The following PACS2 variants were observed in gnomAD, a reference collection of about 807,000 sequenced individuals.
PACS2 encodes PACS1-like protein.
PACS2 carries 36 observed loss-of-function variants against 113.0 expected under a neutral mutation model. That is an observed-to-expected ratio of 0.32 (90% CI 0.24 to 0.42). PACS2 has a LOEUF of 0.42. Among genes scored for constraint, PACS2 ranks in the 10% least tolerant of loss-of-function variants. The probability of loss-of-function intolerance (pLI) is 1.00; values close to 1 mark genes in which losing one functional copy is unlikely to be tolerated. For synonymous variants in PACS2, 589 were observed against 536.1 expected (o/e 1.10, Z -1.36); for missense variants, 1,015 against 1,239.5 (o/e 0.82, Z 2.72).
chr14:105,357,411 C>T lies in PACS2; in HGVS notation c.423+2234C>T, dbSNP rs138875055. Among the ~76,000 whole-genome samples, 1,120 of 152,248 alleles carry T rather than the reference C, an allele frequency of 7.4e-3. 16 individuals are homozygous for T. Among genetic ancestry groups the T allele is most frequent in the African/African-American group, 0.026 (1,065 of 41,534 alleles). ...TGGCCCCCACCCCAAGGCTCCCTCG[C>T]CCTGCACCTGTGGCTTCCAAAGCCG... On this transcript the variant is annotated intron_variant, in intron 4 of 24. Coordinates refer to ENST00000447393, the MANE Select transcript of PACS2 (RefSeq NM_001100913.3). This position sits in a 1 kb window ranked among gnomAD's most constrained non-coding sequence, Gnocchi z 5.1.
At chr14:105,349,421 G>C (rs943273985) in intron 2 of PACS2, among the ~76,000 whole-genome samples, 1 of 152,172 alleles carries the variant, frequency 6.6e-6, no homozygotes, top group Non-Finnish European at 1.5e-5. Flanking sequence ...TCAGCTCCTC[G>C]AGGATGGGGC....
rs587654000 is a variant in PACS2 at position 105,357,078 on chromosome 14, G to A, written c.423+1901G>A. Among the ~76,000 whole-genome samples, 4 of 152,126 alleles carry A rather than the reference G, an allele frequency of 2.6e-5. No individual in the cohort carries two copies. Among genetic ancestry groups the A allele is most frequent in the East Asian group, 1.9e-4 (1 of 5,178 alleles). On this transcript the variant is annotated intron_variant, in intron 4 of 24. Transcript: ENST00000447393. This position sits in a 1 kb window ranked among gnomAD's most constrained non-coding sequence, Gnocchi z 5.1. ...GTGAGCTCCTGCCCCAGGCTGCTCC[G>A]CCCACATCTCTCAGTCTGCACCCCA...
At chr14:105,374,492 G>A (rs1445218523) in intron 8 of PACS2, 1 of 152,246 alleles carries the variant, frequency 6.6e-6, no homozygotes, top group Admixed American at 6.5e-5. Context: ...GTTAAAAGCT[G>A]AACTGTCCAT....
At chr14:105,318,987 G>T (rs587717659) in intron 1 of PACS2, among the ~76,000 whole-genome samples, 5 of 136,554 alleles carry the variant, frequency 3.7e-5, no homozygotes, top group Non-Finnish European at 7.9e-5. Context: ...AAGCTCTGTC[G>T]CCCAGGCTGG....
chr14:105,356,935 C>T lies in PACS2; in HGVS notation c.423+1758C>T, dbSNP rs971079478. On this transcript the variant is annotated intron_variant, in intron 4 of 24. Transcript: ENST00000447393. This position sits in a 1 kb window ranked among gnomAD's most constrained non-coding sequence, Gnocchi z 4.0. ...TCCCATTAGCCATGCAGGCGATGTCCTGCTGATCCCTGCCGGTCCCTGTGT... is the reference window on the plus strand; with the variant it reads ...TCCCATTAGCCATGCAGGCGATGTCTTGCTGATCCCTGCCGGTCCCTGTGT... Among the ~76,000 whole-genome samples the T allele has an allele frequency of 2.7e-5, 4 of 150,220 alleles. No homozygotes were observed. Among genetic ancestry groups the T allele is most frequent in the Non-Finnish European group, 4.4e-5 (3 of 67,822 alleles).
Position 105,383,407 on chromosome 14 carries a change from G to A in PACS2, c.1674G>A (p.Ala558=), listed in dbSNP as rs375043527. 7.5e-5 allele frequency: 121 copies of A among 1,607,836 alleles called. No homozygotes were observed. In the East Asian group the frequency reaches 1.6e-3, roughly 21 times the overall value. ...CGACCCCCGTGAAGATCGCCGTGGCGGGAGCGCAGCATTACCTCAGTGCCA... is the reference window on the plus strand; with the variant it reads ...CGACCCCCGTGAAGATCGCCGTGGCAGGAGCGCAGCATTACCTCAGTGCCA... ...QPPTPVKIAV[A]GAQHYLSAIL... The change falls in exon 16 of 25, where the codon GCG becomes GCA. Residue 558 remains alanine, a synonymous_variant. Transcript: ENST00000447393.
chr14:105,385,803 C>G, intron 19 of PACS2, 86 bp downstream of exon 19: 1 of 785,944 alleles, frequency 1.3e-6, no homozygotes. Context: ...TAGGAATCAC[C>G]CCGCTGTCCT....
rs372825833 is a variant in PACS2, at chr14:105,323,589, C to A, written c.119+8552C>A. Among the ~76,000 whole-genome samples, 1 of 152,190 alleles carries A rather than the reference C, an allele frequency of 6.6e-6. No homozygotes were observed. Among genetic ancestry groups the A allele is most frequent in the African/African-American group, 2.4e-5 (1 of 41,448 alleles). ...GTTTCATTTTGAGTGGTGGGGAAGTCGCTGGACTATTTCAAGTGTGTGTAT... is the reference window on the plus strand; with the variant it reads ...GTTTCATTTTGAGTGGTGGGGAAGTAGCTGGACTATTTCAAGTGTGTGTAT... On this transcript the variant is annotated intron_variant, in intron 1 of 24. Transcript: ENST00000447393. The surrounding 1 kb of genome is among the most constrained non-coding windows in gnomAD (Gnocchi z 4.1).
intron 8 of PACS2, 133 bp downstream of exon 8, chr14:105,370,033 GCA>G: frequency 2.6e-6 from 2 of 776,824 alleles, no homozygotes; most frequent in East Asian, 5.5e-5. Flanking sequence ...CGCCAGCATC[GCA>G]CAGTCTGCGA....
intron 18 of PACS2, among the ~76,000 whole-genome samples, chr14:105,385,347 AG>A (rs782815816): frequency 3.3e-5 from 5 of 152,202 alleles, no homozygotes; most frequent in Admixed American, 1.3e-4. Flanking sequence ...TGGGGAACGA[AG>A]GATTCCCTGG....
rs1555410507 is a variant in PACS2, at chr14:105,376,725, T to C, written c.802-43T>C. On this transcript the variant is annotated intron_variant, in intron 8 of 24. Coordinates refer to ENST00000447393, the MANE Select transcript of PACS2 (RefSeq NM_001100913.3). The surrounding 1 kb of genome is among the most constrained non-coding windows in gnomAD (Gnocchi z 4.7). Reference sequence around the variant, plus strand: ...CTCGGGCGCCCCCAGTGGGGCAATGTGGGCTGCTGCAGGGAACTCACGCGT... The same window carrying C: ...CTCGGGCGCCCCCAGTGGGGCAATGCGGGCTGCTGCAGGGAACTCACGCGT... 5 of 1,595,970 alleles carry C rather than the reference T, an allele frequency of 3.1e-6. No individual in the cohort carries two copies. Among genetic ancestry groups the C allele is most frequent in the Non-Finnish European group, 4.3e-6 (5 of 1,168,934 alleles).
intron 2 of PACS2, among the ~76,000 whole-genome samples, chr14:105,349,348 G>A (rs1023616550): frequency 6.6e-6 from 1 of 152,230 alleles, no homozygotes; most frequent in Admixed American, 6.5e-5. Flanking sequence ...GTGTCCTTCT[G>A]TGTGGCCGTC....
chr14:105,385,364 G>A (rs1321501742), intron 18 of PACS2, among the ~76,000 whole-genome samples: 5 of 152,290 alleles, frequency 3.3e-5, no homozygotes, highest in South Asian at 4.1e-4. Context: ...CCTGGGCCTC[G>A]GGCCCTGTGG....
chr14:105,310,075 C>T (rs1216551958), upstream of PACS2, among the ~76,000 whole-genome samples: 1 of 151,852 alleles, frequency 6.6e-6, no homozygotes, highest in African/African-American at 2.4e-5. Flanking sequence ...TGAGCCACCG[C>T]ACCCAGCCAT....
chr14:105,374,403 T>C (rs2061268282), intron 8 of PACS2, among the ~76,000 whole-genome samples: 1 of 152,144 alleles, frequency 6.6e-6, no homozygotes, highest in South Asian at 2.1e-4. Context: ...TTTTTGCAAA[T>C]CATATATGTG....
intron 24 of PACS2, 196 bp downstream of exon 24, chr14:105,393,531 A>T: frequency 2.1e-6 from 1 of 487,782 alleles, no homozygotes; most frequent in South Asian, 3.6e-5. Flanking sequence ...ATTTTTTTTC[A>T]ACCCTTTTTG....
intron 1 of PACS2, among the ~76,000 whole-genome samples, chr14:105,326,302 TGG>T (rs2059104108): frequency 6.6e-6 from 1 of 152,056 alleles, no homozygotes; most frequent in Non-Finnish European, 1.5e-5. Flanking sequence ...GCAGCAGCAG[TGG>T]AGTTGAGGCT....
Position 105,368,111 on chromosome 14 carries a change from C to T in PACS2, c.624C>T (p.Ser208=), listed in dbSNP as rs782150239. Residue 208 remains serine, a synonymous_variant, in exon 6 of 25, where the codon TCC becomes TCT. Coordinates refer to ENST00000447393, the MANE Select transcript of PACS2 (RefSeq NM_001100913.3). ...YSEEEYESFS[S]EQEASDDAVQ... ...AGGAGGAGTATGAGAGCTTCTCCTCCGAGCAGGAGGCCAGTGACGACGCCG... is the reference window on the plus strand; with the variant it reads ...AGGAGGAGTATGAGAGCTTCTCCTCTGAGCAGGAGGCCAGTGACGACGCCG... 5.0e-6 allele frequency: 8 copies of T among 1,611,412 alleles called. No individual in the cohort carries two copies. Among genetic ancestry groups the T allele is most frequent in the Middle Eastern group, 1.7e-4 (1 of 6,056 alleles).
chr14:105,304,677 C>T (rs773138307), intron 1 of PACS2, among the ~76,000 whole-genome samples: 4 of 152,064 alleles, frequency 2.6e-5, no homozygotes, highest in East Asian at 1.9e-4. Flanking sequence ...TGAGACTGGG[C>T]GATTAACAAA....
Sources: gnomAD v4.1 joint callset for allele counts (sites outside exome capture counted in the v4.1 genomes callset) on GRCh38, gnomAD v4.1.1 for gene constraint, Gnocchi (gnomAD v3.1) non-coding constraint, MANE v1.5 for transcripts, NCBI Gene and HGNC (gene_info 2026-07-23, HGNC 2026-07-21) for gene names.